Variants in SCARB2 observed in about 807,000 individuals in gnomAD.
SCARB2 encodes scavenger receptor class B member 2.
In SCARB2, 29 loss-of-function variants were observed where a neutral mutation model predicts 58.6. That is an observed-to-expected ratio of 0.49 (90% CI 0.37 to 0.67). The LOEUF (loss-of-function observed/expected upper bound fraction) is 0.67. Among genes scored for constraint, SCARB2 ranks in the 30% least tolerant of loss-of-function variants. The probability of loss-of-function intolerance (pLI) is 0.00; values close to 1 mark genes in which losing one functional copy is unlikely to be tolerated. For missense variants in SCARB2, 488 were observed against 578.5 expected (o/e 0.84, Z 1.60); for synonymous variants, 195 against 210.1 (o/e 0.93, Z 0.62).
intron 1 of SCARB2, among the ~76,000 whole-genome samples, chr4:76,230,627 C>A (rs1733476200): frequency 6.6e-6 from 1 of 152,140 alleles, no homozygotes; most frequent in Non-Finnish European, 1.5e-5. Context: ...CTCTTCCTAG[C>A]AGATATCTGG....
intron 1 of SCARB2, among the ~76,000 whole-genome samples, chr4:76,202,128 A>G (rs1377301641): frequency 6.6e-6 from 1 of 152,234 alleles, no homozygotes; most frequent in Non-Finnish European, 1.5e-5. Context: ...AGAAATTTCT[A>G]TATTCATATT....
chr4:76,186,434 G>A (rs1732489079), intron 2 of SCARB2, among the ~76,000 whole-genome samples: 1 of 152,034 alleles, frequency 6.6e-6, no homozygotes, highest in Non-Finnish European at 1.5e-5. Flanking sequence ...AAGTCCTAGG[G>A]TGACCACAGA....
At chr4:76,207,784 GC>G (rs1732958918) in intron 1 of SCARB2, among the ~76,000 whole-genome samples, 1 of 152,114 alleles carries the variant, frequency 6.6e-6, no homozygotes, top group Non-Finnish European at 1.5e-5. Context: ...AGAACAGATG[GC>G]CCCTCTGCTG....
chr4:76,203,367 T>C (rs1387753812), intron 1 of SCARB2, among the ~76,000 whole-genome samples: 1 of 152,216 alleles, frequency 6.6e-6, no homozygotes, highest in Non-Finnish European at 1.5e-5. Context: ...AGCCTTTAAA[T>C]ATCAACAAGT....
chr4:76,188,533 G>C (rs979927631), intron 2 of SCARB2, among the ~76,000 whole-genome samples: 1 of 152,194 alleles, frequency 6.6e-6, no homozygotes, highest in Non-Finnish European at 1.5e-5. Context: ...CCATCTCAGA[G>C]GTTTCCCACC....
intron 2 of SCARB2, among the ~76,000 whole-genome samples, chr4:76,185,348 C>A (rs1406412742): frequency 6.6e-6 from 1 of 152,118 alleles, no homozygotes; most frequent in African/African-American, 2.4e-5. Flanking sequence ...TTTGAAAAAA[C>A]AAAACAAAAA....
chr4:76,225,887 G>C (rs1733389511), intron 1 of SCARB2, among the ~76,000 whole-genome samples: 1 of 152,090 alleles, frequency 6.6e-6, no homozygotes, highest in African/African-American at 2.4e-5. Context: ...TCGGTATTAG[G>C]GTGATACTGG....
Position 76,213,683 on chromosome 4 carries a change from G to T in SCARB2, c.-140C>A. 1.5e-6 allele frequency: 1 copy of T among 669,852 alleles called. No individual in the cohort carries two copies. Among genetic ancestry groups the T allele is most frequent in the Non-Finnish European group, 2.5e-6 (1 of 393,278 alleles). The allele number at this position is 669,852 out of a possible 1,614,324, so 41.5% of individuals were successfully genotyped here. Reference sequence around the variant, plus strand: ...CGCCCTCCCGGCGCACGGTTCGTGCGCGCAGCTCTGGGCTCCGCGGCCTGG... The same window carrying T: ...CGCCCTCCCGGCGCACGGTTCGTGCTCGCAGCTCTGGGCTCCGCGGCCTGG... On this transcript the variant is annotated 5_prime_UTR_variant, in exon 1 of 12. Transcript: ENST00000264896.
At position 76,161,621 on chromosome 4, in the gene SCARB2, G is replaced by A. The variant is rs940656706; in HGVS notation, c.*92C>T. On this transcript the variant is annotated 3_prime_UTR_variant, in exon 12 of 12. Coordinates refer to ENST00000264896, the MANE Select transcript of SCARB2 (RefSeq NM_005506.4). ...CGTGTCTTTTTCCTTCTTTCAACAG[G>A]CAACAAGCCTGCAAGGAGGTGGAGG... 2 of 1,353,024 alleles carry A rather than the reference G, an allele frequency of 1.5e-6. No individual in the cohort carries two copies. The highest frequency in any genetic ancestry group is 2.9e-5 in the African/African-American group (2 of 69,486). 83.8% of individuals were successfully genotyped at this position (1,353,024 alleles called of 1,614,324 possible). A position where few individuals can be genotyped will look rare whatever the true frequency, so the allele number is the denominator to read the frequency against.
At chr4:76,179,339 C>T (rs1248968658) in intron 4 of SCARB2, 178 bp downstream of exon 4, 1 of 604,498 alleles carries the variant, frequency 1.7e-6, no homozygotes, top group Non-Finnish European at 2.9e-6. Flanking sequence ...CAGGCATTAG[C>T]CACCGCACCC....
At position 76,180,950 on chromosome 4, in the gene SCARB2, T is replaced by C. The variant is rs1732369937; in HGVS notation, c.423+4A>G. The C allele has an allele frequency of 1.2e-6, 2 of 1,608,996 alleles. No homozygotes were observed. Among genetic ancestry groups the C allele is most frequent in the Admixed American group, 1.7e-5 (1 of 59,374 alleles). ...AACTTAATGGTATTAAAATGCCTACTTACCAATACAGGAATATTTAATGTT... is the reference window on the plus strand; with the variant it reads ...AACTTAATGGTATTAAAATGCCTACCTACCAATACAGGAATATTTAATGTT... On this transcript the variant is annotated splice_donor_region_variant and intron_variant, in intron 3 of 11. Coordinates refer to ENST00000264896, the MANE Select transcript of SCARB2 (RefSeq NM_005506.4).
At chr4:76,208,756 T>A (rs544857437) in intron 1 of SCARB2, among the ~76,000 whole-genome samples, 1 of 152,208 alleles carries the variant, frequency 6.6e-6, no homozygotes, top group Non-Finnish European at 1.5e-5. Context: ...AAGAATCCTC[T>A]CTTGCCAGAG....
chr4:76,206,987 C>T (rs1010094654), intron 1 of SCARB2, among the ~76,000 whole-genome samples: 6 of 152,084 alleles, frequency 3.9e-5, no homozygotes, highest in South Asian at 2.1e-4. Flanking sequence ...ACTGGCCTTA[C>T]AGGAATATAA....
At chr4:76,181,893 G>C (rs1732394190) in intron 2 of SCARB2, among the ~76,000 whole-genome samples, 1 of 152,082 alleles carries the variant, frequency 6.6e-6, no homozygotes, top group African/African-American at 2.4e-5. Flanking sequence ...GCACAGTTTG[G>C]TTCAAGTTAG....
chr4:76,179,689 G>A lies in SCARB2; in HGVS notation c.440C>T (p.Ser147Phe), dbSNP rs1469458611. ...NIPVLTVIEW[S>F]QVHFLREIIE... The stretch of plus-strand genomic sequence containing the variant: ...GATCTCCCTGAGGAAGTGCACCTGG[G>A]ACCACTCTATGACAGTCTGCGGAGC... Residue 147 changes from serine (S) to phenylalanine (F), a missense_variant, in exon 4 of 12, where the codon TCC (serine) becomes TTC (phenylalanine). Transcript: ENST00000264896. 2 of 1,613,746 alleles carry A rather than the reference G, an allele frequency of 1.2e-6. No homozygotes were observed. The highest frequency in any genetic ancestry group is 2.2e-5 in the South Asian group (2 of 91,080).
At chr4:76,169,335 C>T (rs4859623) in intron 8 of SCARB2, among the ~76,000 whole-genome samples, 19,585 of 142,444 alleles carry the variant, frequency 0.14, 1,769 homozygotes, top group East Asian at 0.29. Context: ...CACACACACA[C>T]ACACACGTGT....
chr4:76,181,794 G>A (rs933597657), intron 2 of SCARB2, among the ~76,000 whole-genome samples: 3 of 152,040 alleles, frequency 2.0e-5, no homozygotes, highest in Non-Finnish European at 2.9e-5. Context: ...TTGAACTCCT[G>A]GACTCAAGTG....
At chr4:76,195,911 T>C in intron 1 of SCARB2, 47 bp from the exon 2 acceptor site, 3 of 1,532,462 alleles carry the variant, frequency 2.0e-6, no homozygotes, top group Non-Finnish European at 2.7e-6. Context: ...AGGCAATAGT[T>C]GGCTTTAAAC....
chr4:76,181,130 A>T, intron 2 of SCARB2, 29 bp from the exon 3 acceptor site: 1 of 1,605,640 alleles, frequency 6.2e-7, no homozygotes, highest in Non-Finnish European at 8.5e-7. Flanking sequence ...TTTTATTTGA[A>T]AATAGACACC....
Sources: gnomAD v4.1 joint callset for allele counts (sites outside exome capture counted in the v4.1 genomes callset) on GRCh38, gnomAD v4.1.1 for gene constraint, MANE v1.5 for transcripts, NCBI Gene and HGNC (gene_info 2026-07-23, HGNC 2026-07-21) for gene names.